Variants in EXOSC10 observed in about 807,000 individuals in gnomAD.
EXOSC10 encodes the protein exosome component 10, also known as exosome complex component 10.
Under a neutral mutation model 126.6 loss-of-function variants are expected in EXOSC10, and 94 were observed. The ratio of observed to expected loss-of-function variants is 0.74; its 90% CI spans 0.63 to 0.88. The LOEUF is 0.88. EXOSC10 is among the 40% of genes least tolerant of loss of function. The pLI is 0.00. For synonymous variants in EXOSC10, 395 were observed against 400.8 expected (o/e 0.99, Z 0.17); for missense variants, 1,041 against 1,100.5 (o/e 0.95, Z 0.77).
In EXOSC10 at chr1:11,099,742, C is replaced by G. The variant is rs144691696; in HGVS notation, c.90G>C (p.Pro30=). The G allele has an allele frequency of 4.5e-5, 72 of 1,610,054 alleles. No individual in the cohort carries two copies. The highest frequency in any genetic ancestry group is 1.1e-4 in the East Asian group (5 of 44,232). Reference sequence around the variant, plus strand: ...TCACCTTCACAAAGCTGTCGGCGTCCGGGAAGCCTGGCAGCACCATCTCTC... The same window carrying G: ...TCACCTTCACAAAGCTGTCGGCGTCGGGGAAGCCTGGCAGCACCATCTCTC... ...SDGEMVLPGF[P]DADSFVKFAL... is the part of the protein sequence containing the mutation. Residue 30 remains proline, a synonymous_variant, in exon 1 of 25, where the codon CCG becomes CCC. Coordinates refer to ENST00000376936, the MANE Select transcript of EXOSC10 (RefSeq NM_001001998.3).
At chr1:11,091,675 T>C in intron 3 of EXOSC10, 78 bp from the exon 4 acceptor site, 4 of 1,090,010 alleles carry the variant, frequency 3.7e-6, no homozygotes, top group Non-Finnish European at 5.5e-6. Flanking sequence ...TTTTATTTAT[T>C]TAACATGGAG....
At chr1:11,086,772 G>A (rs1438408668) in intron 9 of EXOSC10, among the ~76,000 whole-genome samples, 4 of 152,098 alleles carry the variant, frequency 2.6e-5, no homozygotes, top group Admixed American at 6.6e-5. Context: ...TGAAACCAGC[G>A]AGAACAAAGA....
At position 11,095,548 on chromosome 1, in the gene EXOSC10, C is replaced by T. The variant is rs531669777; in HGVS notation, c.372+210G>A. 57 of 404,030 alleles carry T rather than the reference C, an allele frequency of 1.4e-4. 1 individual carries two copies. Among genetic ancestry groups the T allele is most frequent in the Admixed American group, 5.7e-4 (16 of 28,076 alleles). The allele number at this position is 404,030 out of a possible 1,614,324, so 25.0% of individuals were successfully genotyped here. ...CTAACACGGTGAAACCCCGTCTCTA[C>T]TAAAAATACAAAAAAATTAGCCAGG... On this transcript the variant is annotated intron_variant, in intron 3 of 24. Coordinates refer to ENST00000376936, the MANE Select transcript of EXOSC10 (RefSeq NM_001001998.3).
At chr1:11,082,599 G>A in intron 10 of EXOSC10, 89 bp downstream of exon 10, 1 of 1,567,650 alleles carries the variant, frequency 6.4e-7, no homozygotes, top group Non-Finnish European at 8.7e-7. Flanking sequence ...GAGCGTGGTA[G>A]GGCTCAAACC....
intron 6 of EXOSC10, among the ~76,000 whole-genome samples, chr1:11,089,576 G>A (rs148647641): frequency 3.1e-4 from 46 of 149,132 alleles, no homozygotes; most frequent in Non-Finnish European, 3.9e-4. Flanking sequence ...AGCTGAGATC[G>A]CGCCATTGTA....
At chr1:11,069,530 C>A in intron 22 of EXOSC10, 29 bp downstream of exon 22, 1 of 1,606,874 alleles carries the variant, frequency 6.2e-7, no homozygotes, top group East Asian at 2.2e-5. Flanking sequence ...GCACAGATGT[C>A]CCTGTATGGG....
chr1:11,071,102 C>G (rs1639461843), intron 20 of EXOSC10, 129 bp from the exon 21 acceptor site: 1 of 741,596 alleles, frequency 1.3e-6, no homozygotes, highest in Admixed American at 2.5e-5. Flanking sequence ...CTCTCAGGTC[C>G]CCGGTCCCCC....
At chr1:11,076,992 G>GT in intron 16 of EXOSC10, 44 bp from the exon 17 acceptor site, 1 of 1,514,620 alleles carries the variant, frequency 6.6e-7, no homozygotes, top group Non-Finnish European at 9.1e-7. Context: ...ACAGAATTTT[G>GT]TTTATTTTTT....
chr1:11,075,108 C>T (rs1639735681), intron 17 of EXOSC10, among the ~76,000 whole-genome samples: 2 of 152,164 alleles, frequency 1.3e-5, no homozygotes, highest in African/African-American at 4.8e-5. Context: ...TCTCTGCTCA[C>T]TGCAACCTCC....
At chr1:11,072,348 A>G in intron 19 of EXOSC10, 177 bp from the exon 20 acceptor site, 1 of 558,520 alleles carries the variant, frequency 1.8e-6, no homozygotes, top group Non-Finnish European at 3.2e-6. Flanking sequence ...TATTGCTAAA[A>G]TCCCTATTAA....
chr1:11,075,428 T>C (rs916822171), intron 17 of EXOSC10, among the ~76,000 whole-genome samples: 1 of 152,178 alleles, frequency 6.6e-6, no homozygotes, highest in African/African-American at 2.4e-5. Context: ...CATCTGTAAT[T>C]ATGCGCCCTT....
intron 19 of EXOSC10, among the ~76,000 whole-genome samples, chr1:11,073,627 C>T (rs1262740881): frequency 2.0e-5 from 3 of 151,966 alleles, no homozygotes; most frequent in Admixed American, 6.6e-5. Flanking sequence ...CAGTAGCTCA[C>T]GTCTGTAGTC....
intron 3 of EXOSC10, among the ~76,000 whole-genome samples, chr1:11,095,126 C>T (rs1006303447): frequency 2.0e-5 from 3 of 150,146 alleles, no homozygotes; most frequent in Admixed American, 6.6e-5. Context: ...GTAGGAGAAT[C>T]GCTTGAACCT....
chr1:11,094,198 G>T (rs1398348499), intron 3 of EXOSC10, among the ~76,000 whole-genome samples: 1 of 151,852 alleles, frequency 6.6e-6, no homozygotes, highest in Admixed American at 6.6e-5. Context: ...GCTGGTTCTG[G>T]AACTCCTGAG....
chr1:11,073,972 G>A lies in EXOSC10; in HGVS notation c.2119C>T (p.Gln707Ter). 6.2e-7 allele frequency: 1 copy of A among 1,613,292 alleles called. No homozygotes were observed. Among genetic ancestry groups the A allele is most frequent in the Non-Finnish European group, 8.5e-7 (1 of 1,179,782 alleles). Residue 707 changes from glutamine to a stop codon, truncating the protein, a stop_gained, in exon 19 of 25, where the codon CAG becomes TAG. Coordinates refer to ENST00000376936, the MANE Select transcript of EXOSC10 (RefSeq NM_001001998.3). LOFTEE classifies it high-confidence loss of function. ...PSLGHRAPVS[Q>*]AAKFDPSTKI... ...GTTGATGGATCGAACTTCGCTGCCT[G>A]AGAGACGGGAGCACGGTGTCCCAGT...
At position 11,091,035 on chromosome 1, in the gene EXOSC10, C is replaced by A. The variant is rs774004411; in HGVS notation, c.622G>T (p.Ala208Ser). The A allele has an allele frequency of 1.4e-5, 22 of 1,613,914 alleles. No homozygotes were observed. The highest frequency in any genetic ancestry group is 1.4e-5 in the Non-Finnish European group (16 of 1,179,998). ...FLPKIFIKPNAQKPLPQALSK... is the reference protein window; with the variant it reads ...FLPKIFIKPNSQKPLPQALSK... ...TTACCTTGAGGGAGAGGTTTCTGAG[C>A]ATTGGGTTTGATGAAGATTTTAGGA... Residue 208 changes from alanine (A) to serine (S), a missense_variant, in exon 5 of 25, where the codon GCT becomes TCT. Around this residue, in one of 3 missense-constraint regions of EXOSC10, gnomAD observed 645 missense variants for 656.3 expected, o/e 0.98. Transcript: ENST00000376936.
chr1:11,090,780 C>A, intron 5 of EXOSC10, 112 bp from the exon 6 acceptor site: 2 of 855,492 alleles, frequency 2.3e-6, no homozygotes, highest in South Asian at 1.8e-5. Context: ...GAGACAGGGT[C>A]ATGTTCTGTC....
chr1:11,068,568 G>T, intron 23 of EXOSC10, 77 bp downstream of exon 23: 1 of 1,086,022 alleles, frequency 9.2e-7, no homozygotes, highest in Non-Finnish European at 1.4e-6. Context: ...TCCTGGATGG[G>T]CCTGTCTTCT....
At chr1:11,079,040 G>T (rs1333614784) in intron 14 of EXOSC10, among the ~76,000 whole-genome samples, 1 of 152,098 alleles carries the variant, frequency 6.6e-6, no homozygotes, top group Non-Finnish European at 1.5e-5. Flanking sequence ...GAAAAAACAG[G>T]CCTGCTAAAG....
Sources: allele counts gnomAD v4.1 joint callset (sites outside exome capture counted in the v4.1 genomes callset), GRCh38; gene constraint gnomAD v4.1.1; regional missense constraint gnomAD v4.1.1; transcripts MANE v1.5; gene names NCBI Gene and HGNC (gene_info 2026-07-23, HGNC 2026-07-21).